MAMDC2: variants seen among roughly 807,000 people sequenced by gnomAD.
The protein encoded by MAMDC2 is MAM domain-containing protein 2.
A neutral mutation model predicts 89.8 loss-of-function variants in MAMDC2; 57 were observed. The observed-to-expected ratio is 0.63, with a 90% CI of 0.51 to 0.79. The LOEUF (loss-of-function observed/expected upper bound fraction) is 0.79, where lower values mean the gene tolerates loss of function less well. MAMDC2 is among the 30% of genes least tolerant of loss of function. MAMDC2 has a pLI of 0.00. For missense variants in MAMDC2, 800 were observed against 820.6 expected (o/e 0.97, Z 0.31); for synonymous variants, 313 against 293.4 (o/e 1.07, Z -0.68).
chr9:70,215,135 T>C (rs1039476476), intron 11 of MAMDC2, among the ~76,000 whole-genome samples: 1 of 151,926 alleles, frequency 6.6e-6, no homozygotes. Context: ...GAGAGTGGAA[T>C]TGTGAAAAAA....
intron 9 of MAMDC2, among the ~76,000 whole-genome samples, chr9:70,155,974 T>G (rs1377398280): frequency 6.6e-6 from 1 of 152,234 alleles, no homozygotes; most frequent in Non-Finnish European, 1.5e-5. Context: ...TATAAAGAGT[T>G]GCCCTGACTC....
chr9:70,191,347 T>A (rs994815766), intron 11 of MAMDC2, among the ~76,000 whole-genome samples: 2 of 151,870 alleles, frequency 1.3e-5, no homozygotes, highest in Admixed American at 1.3e-4. Context: ...TTGGTGTAAC[T>A]GTTTTATCTA....
Position 70,053,034 on chromosome 9 carries a change from G to T in MAMDC2, c.148+8337G>T, listed in dbSNP as rs527806070. 4.6e-5 allele frequency among the ~76,000 whole-genome samples: 7 copies of T among 152,282 alleles called. No homozygotes were observed. The South Asian group carries it at 1.4e-3, about 32-fold the overall frequency. On this transcript the variant is annotated intron_variant, in intron 2 of 13. Coordinates refer to ENST00000377182, the MANE Select transcript of MAMDC2 (RefSeq NM_153267.5). ...TGCTGGGGCTGGAAAGTATTTTTTG[G>T]CAAGGGATGACCAGACTTTGAACTA...
intron 11 of MAMDC2, among the ~76,000 whole-genome samples, chr9:70,196,946 C>T (rs1015796848): frequency 6.6e-6 from 1 of 151,868 alleles, no homozygotes; most frequent in African/African-American, 2.4e-5. Context: ...ATGTATTATC[C>T]CAGAAATAAA....
intron 2 of MAMDC2, among the ~76,000 whole-genome samples, chr9:70,052,407 C>T (rs1051131316): frequency 1.3e-5 from 2 of 152,154 alleles, no homozygotes; most frequent in African/African-American, 4.8e-5. Context: ...TTCTCTTTAC[C>T]TGTATAATGC....
intron 8 of MAMDC2, among the ~76,000 whole-genome samples, chr9:70,142,691 C>G (rs1563972803): frequency 6.6e-6 from 1 of 152,044 alleles, no homozygotes; most frequent in African/African-American, 2.4e-5. Context: ...CTCATATGTC[C>G]TCTTGGTGTA....
intron 9 of MAMDC2, among the ~76,000 whole-genome samples, chr9:70,160,699 G>C (rs1001837350): frequency 2.0e-5 from 3 of 152,130 alleles, no homozygotes; most frequent in African/African-American, 7.2e-5. Flanking sequence ...AGGGTGAGAA[G>C]GACGTGGCTG....
intron 6 of MAMDC2, 96 bp downstream of exon 6, chr9:70,126,511 C>T (rs1259686594): frequency 2.4e-6 from 3 of 1,263,490 alleles, no homozygotes; most frequent in African/African-American, 2.9e-5. Flanking sequence ...CAGCCTCACA[C>T]TCAGTCTGTC....
intron 2 of MAMDC2, among the ~76,000 whole-genome samples, chr9:70,095,841 C>T (rs1828015859): frequency 6.6e-6 from 1 of 152,000 alleles, no homozygotes; most frequent in Non-Finnish European, 1.5e-5. Flanking sequence ...CATAGGAAGT[C>T]CAGACTGGTT....
chr9:70,108,519 A>G (rs1471627490), intron 3 of MAMDC2, 37 bp downstream of exon 3: 2 of 1,522,312 alleles, frequency 1.3e-6, no homozygotes, highest in East Asian at 2.3e-5. Flanking sequence ...AAGGCCTATT[A>G]TCTTTGCTTT....
chr9:70,162,375 A>G (rs2032002094), intron 9 of MAMDC2, among the ~76,000 whole-genome samples: 1 of 152,140 alleles, frequency 6.6e-6, no homozygotes, highest in Non-Finnish European at 1.5e-5. Flanking sequence ...AAACTATAAC[A>G]TCCTATAAAG....
At chr9:70,168,857 C>A in intron 10 of MAMDC2, 62 bp downstream of exon 10, 1 of 1,318,014 alleles carries the variant, frequency 7.6e-7, no homozygotes, top group Non-Finnish European at 1.1e-6. Context: ...TCCTGTATCG[C>A]TGAGAATCAC....
intron 2 of MAMDC2, among the ~76,000 whole-genome samples, chr9:70,056,286 T>G (rs1214627842): frequency 6.6e-6 from 1 of 152,214 alleles, no homozygotes; most frequent in Non-Finnish European, 1.5e-5. Flanking sequence ...TGTTGGAGAA[T>G]TTTCTCGTGA....
At chr9:70,184,391 G>A (rs764105865) in intron 11 of MAMDC2, among the ~76,000 whole-genome samples, 1 of 152,028 alleles carries the variant, frequency 6.6e-6, no homozygotes, top group Non-Finnish European at 1.5e-5. Flanking sequence ...GTATCTTAGT[G>A]GTGTTTTCTG....
intron 7 of MAMDC2, among the ~76,000 whole-genome samples, chr9:70,135,676 T>A (rs1460870698): frequency 6.6e-6 from 1 of 152,132 alleles, no homozygotes; most frequent in East Asian, 1.9e-4. Context: ...ACAGCAAAAT[T>A]GAGAGGAAGA....
At chr9:70,099,064 G>C (rs1367078660) in intron 2 of MAMDC2, among the ~76,000 whole-genome samples, 1 of 152,040 alleles carries the variant, frequency 6.6e-6, no homozygotes, top group Non-Finnish European at 1.5e-5. Context: ...AGTAAAATTG[G>C]AAACTTCAAA....
chr9:70,075,159 G>C (rs1427989710), intron 2 of MAMDC2, among the ~76,000 whole-genome samples: 1 of 152,166 alleles, frequency 6.6e-6, no homozygotes, highest in Non-Finnish European at 1.5e-5. Flanking sequence ...ACAGCACACA[G>C]AGATGAAGTA....
chr9:70,093,131 T>C (rs2118185438), intron 2 of MAMDC2, among the ~76,000 whole-genome samples: 1 of 152,294 alleles, frequency 6.6e-6, no homozygotes, highest in Middle Eastern at 3.4e-3. Flanking sequence ...GAAATTTTCA[T>C]AGGAACTCCT....
chr9:70,078,097 AC>A, intron 2 of MAMDC2, among the ~76,000 whole-genome samples: 1 of 151,778 alleles, frequency 6.6e-6, no homozygotes, highest in East Asian at 1.9e-4. Flanking sequence ...TAGAAAAAAA[AC>A]TGCTATAGTG....
Sources: gnomAD v4.1 joint callset for allele counts (sites outside exome capture counted in the v4.1 genomes callset) on GRCh38, gnomAD v4.1.1 for gene constraint, MANE v1.5 for transcripts, NCBI Gene and HGNC (gene_info 2026-07-23, HGNC 2026-07-21) for gene names.